Variants in TNR observed in about 807,000 individuals in gnomAD.
TNR encodes tenascin R, also known as tenascin-R.
In TNR, 45 loss-of-function variants were observed where a neutral mutation model predicts 150.4. That is an observed-to-expected ratio of 0.30 (90% CI 0.24 to 0.38). The LOEUF (loss-of-function observed/expected upper bound fraction) is 0.38, where lower values mean the gene tolerates loss of function less well. Ranked by LOEUF, TNR falls within the 10% of genes least tolerant of loss-of-function variation. The pLI, the probability that TNR is intolerant of heterozygous loss-of-function variation, is 1.00. For missense variants in TNR, 1,544 were observed against 1,759.1 expected, an observed-to-expected ratio of 0.88 and a Z score of 2.19; for synonymous variants, 687 against 678.4, an observed-to-expected ratio of 1.01 and a Z score of -0.20.
chr1:175,539,853 A>T lies in TNR; in HGVS notation c.-164-11484T>A, dbSNP rs568347000. Among the ~76,000 whole-genome samples, 66 of 152,228 alleles carry T rather than the reference A, an allele frequency of 4.3e-4. 1 individual carries two copies. The highest frequency in any genetic ancestry group is 8.4e-4 in the Non-Finnish European group (57 of 68,052). Reference sequence around the variant, plus strand: ...TATTTGCATTTTAAACCAAATCATAAGTAGCTCACACTATAGCATAAACTA... The same window carrying T: ...TATTTGCATTTTAAACCAAATCATATGTAGCTCACACTATAGCATAAACTA... On this transcript the variant is annotated intron_variant, in intron 1 of 22. Coordinates refer to ENST00000367674, the MANE Select transcript of TNR (RefSeq NM_003285.3).
At chr1:175,625,934 C>T (rs1664139216) in intron 1 of TNR, among the ~76,000 whole-genome samples, 1 of 151,492 alleles carries the variant, frequency 6.6e-6, no homozygotes, top group Non-Finnish European at 1.5e-5. Flanking sequence ...TGAATTGTAT[C>T]TCCCAGAATT....
chr1:175,729,149 G>A (rs1383247728), intron 1 of TNR, among the ~76,000 whole-genome samples: 7 of 152,046 alleles, frequency 4.6e-5, no homozygotes, highest in African/African-American at 1.4e-4. Context: ...GTTCCTTGAC[G>A]AGTTTTTTCC....
intron 1 of TNR, among the ~76,000 whole-genome samples, chr1:175,544,211 A>G (rs1409708495): frequency 1.3e-5 from 2 of 152,232 alleles, no homozygotes; most frequent in African/African-American, 2.4e-5. Flanking sequence ...GCTTGCTGCA[A>G]TGCAGAAATG....
At chr1:175,730,753 C>T (rs1440967796) in intron 1 of TNR, among the ~76,000 whole-genome samples, 1 of 151,958 alleles carries the variant, frequency 6.6e-6, no homozygotes, top group African/African-American at 2.4e-5. Context: ...ATGTGATAAA[C>T]AAAAATAAAG....
chr1:175,543,229 G>C (rs1281120045), intron 1 of TNR, among the ~76,000 whole-genome samples: 4 of 152,154 alleles, frequency 2.6e-5, no homozygotes, highest in African/African-American at 9.7e-5. Flanking sequence ...GGGGGGAGCA[G>C]AAAAGAGTGA....
At chr1:175,678,100 T>C (rs990959628) in intron 1 of TNR, among the ~76,000 whole-genome samples, 2 of 152,218 alleles carry the variant, frequency 1.3e-5, no homozygotes, top group African/African-American at 4.8e-5. Flanking sequence ...GGTTATATCA[T>C]AGCAATTCTT....
At chr1:175,705,447 A>C (rs1194319395) in intron 1 of TNR, among the ~76,000 whole-genome samples, 1 of 152,218 alleles carries the variant, frequency 6.6e-6, no homozygotes, top group Non-Finnish European at 1.5e-5. Flanking sequence ...CTCTACATTG[A>C]AGATTGATCT....
intron 1 of TNR, among the ~76,000 whole-genome samples, chr1:175,572,343 T>G (rs1266624385): frequency 6.6e-6 from 1 of 152,200 alleles, no homozygotes; most frequent in Non-Finnish European, 1.5e-5. Flanking sequence ...ATATTTACAT[T>G]CTTTAGTAAT....
chr1:175,414,065 G>A (rs148479826), intron 2 of TNR, among the ~76,000 whole-genome samples: 260 of 151,380 alleles, frequency 1.7e-3, no homozygotes, highest in African/African-American at 6.0e-3. Flanking sequence ...GCTGCAGTGA[G>A]CTGAGATTGT....
intron 1 of TNR, among the ~76,000 whole-genome samples, chr1:175,704,302 A>C (rs1035493392): frequency 6.6e-6 from 1 of 152,354 alleles, no homozygotes; most frequent in East Asian, 1.9e-4. Flanking sequence ...GACTTTAGTC[A>C]AAGGTTTAGT....
chr1:175,331,029 C>CTTTCTTTCT (rs1557867293), intron 20 of TNR, among the ~76,000 whole-genome samples: 48 of 68,174 alleles, frequency 7.0e-4, no homozygotes, highest in African/African-American at 2.3e-3. Flanking sequence ...TTCTTTCTTT[C>CTTTCTTTCT]TTTCTTTCTT....
rs1664164176 is a variant in TNR at position 175,626,569 on chromosome 1, A to AAT, written c.-164-98201_-164-98200insAT. ...CTCAACAAAAACCATTCTTCATGGC[A>AAT]GCCTTCAGTTAGTAATTGAGAAGAA... On this transcript the variant is annotated intron_variant, in intron 1 of 22. Coordinates refer to ENST00000367674, the MANE Select transcript of TNR (RefSeq NM_003285.3). Among the ~76,000 whole-genome samples the AAT allele has an allele frequency of 1.3e-4, 20 of 152,324 alleles. No individual in the cohort carries two copies. In the South Asian group the frequency reaches 4.1e-3, roughly 32 times the overall value.
At chr1:175,593,442 T>C (rs1662883622) in intron 1 of TNR, among the ~76,000 whole-genome samples, 1 of 152,132 alleles carries the variant, frequency 6.6e-6, no homozygotes, top group Non-Finnish European at 1.5e-5. Flanking sequence ...GCAGTGAGAA[T>C]ATAGAGACCC....
chr1:175,328,001 A>G (rs1418800452), intron 21 of TNR, among the ~76,000 whole-genome samples: 1 of 152,166 alleles, frequency 6.6e-6, no homozygotes, highest in Non-Finnish European at 1.5e-5. Context: ...CCAGCTACTC[A>G]GGAGGCTGAG....
intron 8 of TNR, among the ~76,000 whole-genome samples, chr1:175,381,062 G>A (rs1652652599): frequency 6.6e-6 from 1 of 152,212 alleles, no homozygotes; most frequent in South Asian, 2.1e-4. Context: ...TTGTTTTCCT[G>A]AGAAATTCTT....
At chr1:175,637,717 G>A (rs528956075) in intron 1 of TNR, among the ~76,000 whole-genome samples, 16 of 152,326 alleles carry the variant, frequency 1.1e-4, no homozygotes, top group African/African-American at 3.8e-4. Context: ...ATGAACTTCA[G>A]TGCGGCTCCA....
chr1:175,639,107 G>A (rs138550378), intron 1 of TNR, among the ~76,000 whole-genome samples: 17 of 152,234 alleles, frequency 1.1e-4, no homozygotes, highest in Admixed American at 1.3e-4. Context: ...CATGGAAGCT[G>A]GTGTCCCTGT....
In TNR at chr1:175,692,004, A is replaced by G. The variant is rs148086797; in HGVS notation, c.-165+51222T>C. On this transcript the variant is annotated intron_variant, in intron 1 of 22. Transcript: ENST00000367674. ...ATTATTTCATATATAATTAATTTTC[A>G]TTCTTAATTAAGTTCAATTTTGCAC... 2.2e-3 allele frequency among the ~76,000 whole-genome samples: 342 copies of G among 152,320 alleles called. 2 individuals carry two copies. Among genetic ancestry groups the G allele is most frequent in the African/African-American group, 7.7e-3 (321 of 41,564 alleles).
chr1:175,381,555 G>A (rs1652681441), intron 8 of TNR, among the ~76,000 whole-genome samples: 1 of 152,174 alleles, frequency 6.6e-6, no homozygotes, highest in Non-Finnish European at 1.5e-5. Flanking sequence ...AGGACAAGGT[G>A]AAATTGTTTG....
Sources: allele counts gnomAD v4.1 joint callset (sites outside exome capture counted in the v4.1 genomes callset), GRCh38; gene constraint gnomAD v4.1.1; transcripts MANE v1.5; gene names NCBI Gene and HGNC (gene_info 2026-07-23, HGNC 2026-07-21).